FNIP1: variants seen among roughly 807,000 people sequenced by gnomAD.
FNIP1 encodes folliculin-interacting protein 1.
Under a neutral mutation model 124.5 loss-of-function variants are expected in FNIP1, and 40 were observed. The ratio of observed to expected loss-of-function variants is 0.32; its 90% confidence interval spans 0.25 to 0.42. The LOEUF (loss-of-function observed/expected upper bound fraction) is 0.42. Ranked by LOEUF, FNIP1 falls within the 10% of genes least tolerant of loss-of-function variation. The pLI, the probability that FNIP1 is intolerant of heterozygous loss-of-function variation, is 1.00. For missense variants in FNIP1, 1,176 were observed against 1,403.7 expected, an observed-to-expected ratio of 0.84 and a Z score of 2.59; for synonymous variants, 472 against 470.6, an observed-to-expected ratio of 1.00 and a Z score of -0.04.
intron 11 of FNIP1, among the ~76,000 whole-genome samples, chr5:131,683,341 G>A (rs1768151912): frequency 6.6e-6 from 1 of 151,762 alleles, no homozygotes; most frequent in African/African-American, 2.4e-5. Context: ...GAGGTCAGGA[G>A]ATTGAGACCA....
intron 17 of FNIP1, among the ~76,000 whole-genome samples, chr5:131,646,143 G>A (rs897336928): frequency 1.7e-4 from 26 of 152,106 alleles, no homozygotes; most frequent in Non-Finnish European, 1.8e-4. Context: ...CCAAATACTG[G>A]AGAACAATTC....
intron 15 of FNIP1, among the ~76,000 whole-genome samples, chr5:131,661,442 C>T (rs1439860150): frequency 3.3e-5 from 5 of 152,196 alleles, no homozygotes; most frequent in East Asian, 3.9e-4. Flanking sequence ...GTCATCCCTC[C>T]CTACCTTGAG....
At chr5:131,701,955 T>TG (rs1768914695) in intron 10 of FNIP1, among the ~76,000 whole-genome samples, 1 of 151,712 alleles carries the variant, frequency 6.6e-6, no homozygotes, top group African/African-American at 2.4e-5. Flanking sequence ...CACAGACTGT[T>TG]GCAAAAAACT....
chr5:131,718,966 C>T lies in FNIP1; in HGVS notation c.530+20G>A. 2 of 1,597,126 alleles carry T rather than the reference C, an allele frequency of 1.3e-6. No individual in the cohort carries two copies. The highest frequency in any genetic ancestry group is 8.6e-7 in the Non-Finnish European group (1 of 1,164,990). ...CACATCTAAAGTGATACATTTCCCC[C>T]TGTATCCATAAGCACTTACGTATTG... On this transcript the variant is annotated intron_variant, in intron 5 of 17. Coordinates refer to ENST00000510461, the MANE Select transcript of FNIP1 (RefSeq NM_133372.3).
intron 6 of FNIP1, among the ~76,000 whole-genome samples, chr5:131,715,313 CTG>C (rs1339756277): frequency 1.3e-5 from 2 of 152,120 alleles, no homozygotes; most frequent in African/African-American, 4.8e-5. Context: ...CATCAAAACC[CTG>C]TCTCTATTAA....
chr5:131,766,892 G>C (rs1444323148), intron 1 of FNIP1, among the ~76,000 whole-genome samples: 3 of 151,858 alleles, frequency 2.0e-5, no homozygotes, highest in African/African-American at 4.8e-5. Flanking sequence ...TTTTTGTTCT[G>C]TCTAGGCCCC....
intron 1 of FNIP1, among the ~76,000 whole-genome samples, chr5:131,793,602 G>A (rs1342098365): frequency 6.6e-6 from 1 of 152,160 alleles, no homozygotes; most frequent in Non-Finnish European, 1.5e-5. Context: ...TTAGAGTGAA[G>A]ACAAGGGAAG....
At chr5:131,786,021 G>A (rs999255181) in intron 1 of FNIP1, among the ~76,000 whole-genome samples, 5 of 152,026 alleles carry the variant, frequency 3.3e-5, no homozygotes, top group African/African-American at 1.2e-4. Context: ...TCTGGAAAAT[G>A]AGGCCACCCT....
chr5:131,711,491 A>G (rs911291408), intron 6 of FNIP1, among the ~76,000 whole-genome samples: 4 of 152,172 alleles, frequency 2.6e-5, no homozygotes, highest in African/African-American at 9.7e-5. Flanking sequence ...TGACAATTGC[A>G]TGTTTCTTCT....
At chr5:131,666,258 T>C (rs758065540) in intron 15 of FNIP1, among the ~76,000 whole-genome samples, 14 of 152,330 alleles carry the variant, frequency 9.2e-5, no homozygotes, top group Middle Eastern at 3.4e-3. Flanking sequence ...AACTTGTCAG[T>C]GCTGAGATTG....
chr5:131,762,250 CACA>C (rs1331176418), intron 1 of FNIP1, among the ~76,000 whole-genome samples: 2 of 152,006 alleles, frequency 1.3e-5, no homozygotes, highest in Non-Finnish European at 2.9e-5. Flanking sequence ...CAAATGGAAT[CACA>C]ACAAGTTATA....
At chr5:131,657,820 C>T (rs892797108) in intron 15 of FNIP1, among the ~76,000 whole-genome samples, 4 of 145,002 alleles carry the variant, frequency 2.8e-5, no homozygotes, top group Non-Finnish European at 6.0e-5. Flanking sequence ...GCAGGCGGAT[C>T]ACAAGGTCAG....
intron 15 of FNIP1, among the ~76,000 whole-genome samples, chr5:131,657,019 C>CTTTTTTTTTT (rs71000999): frequency 1.1e-5 from 1 of 89,626 alleles, no homozygotes; most frequent in Non-Finnish European, 2.1e-5. Flanking sequence ...CCACCCATGC[C>CTTTTTTTTTT]TTTTTTTTTT....
intron 10 of FNIP1, among the ~76,000 whole-genome samples, chr5:131,700,368 A>T (rs1768859368): frequency 6.6e-6 from 1 of 152,184 alleles, no homozygotes. Flanking sequence ...TAGGATATGG[A>T]GGTCAAAAAG....
At chr5:131,661,725 C>T (rs774206645) in intron 15 of FNIP1, among the ~76,000 whole-genome samples, 3 of 152,206 alleles carry the variant, frequency 2.0e-5, no homozygotes, top group South Asian at 2.1e-4. Flanking sequence ...TGAGCAACAT[C>T]GCCAGGGCAG....
chr5:131,658,150 C>G (rs1767266388), intron 15 of FNIP1, among the ~76,000 whole-genome samples: 1 of 151,710 alleles, frequency 6.6e-6, no homozygotes, highest in Non-Finnish European at 1.5e-5. Flanking sequence ...TGCTTCCAAA[C>G]TAGTGCCAGA....
At chr5:131,650,048 A>G (rs1031549865) in intron 16 of FNIP1, among the ~76,000 whole-genome samples, 2 of 152,168 alleles carry the variant, frequency 1.3e-5, no homozygotes, top group Non-Finnish European at 2.9e-5. Flanking sequence ...TGAAATCAAG[A>G]AATGTGAAAT....
intron 6 of FNIP1, among the ~76,000 whole-genome samples, chr5:131,715,937 AC>A (rs1216707825): frequency 1.3e-5 from 2 of 152,214 alleles, no homozygotes; most frequent in African/African-American, 2.4e-5. Flanking sequence ...CTTGGCTACT[AC>A]ATAGCTTTTT....
intron 2 of FNIP1, among the ~76,000 whole-genome samples, chr5:131,741,650 C>T (rs1770516164): frequency 6.6e-6 from 1 of 152,160 alleles, no homozygotes; most frequent in African/African-American, 2.4e-5. Context: ...TTCTCTCACA[C>T]TCCAGATAAA....
Sources: allele counts gnomAD v4.1 joint callset (sites outside exome capture counted in the v4.1 genomes callset), GRCh38; gene constraint gnomAD v4.1.1; transcripts MANE v1.5; gene names NCBI Gene and HGNC (gene_info 2026-07-23, HGNC 2026-07-21).